CFAP99: variants seen among roughly 807,000 people sequenced by gnomAD.
CFAP99 encodes the protein cilia and flagella associated protein 99.
In CFAP99, 84 loss-of-function variants were observed where a neutral mutation model predicts 82.7. The observed-to-expected ratio is 1.02, with a 90% CI of 0.85 to 1.22. CFAP99 has a LOEUF of 1.22. CFAP99 is among the 50% of genes most tolerant of loss of function. The pLI is 0.00. For missense variants in CFAP99, 1,059 were observed against 983.5 expected (o/e 1.08, Z -1.03); for synonymous variants, 456 against 429.5 (o/e 1.06, Z -0.76).
intron 12 of CFAP99, 111 bp from the exon 13 acceptor site, chr4:2,458,996 G>C: frequency 6.9e-7 from 1 of 1,445,466 alleles, no homozygotes; most frequent in Non-Finnish European, 9.1e-7. Context: ...ACTCCCAGGT[G>C]GCCGCACTGA....
intron 6 of CFAP99, among the ~76,000 whole-genome samples, chr4:2,447,927 GGGT>G (rs1734207523): frequency 1.2e-5 from 1 of 86,754 alleles, no homozygotes; most frequent in Non-Finnish European, 2.4e-5. Context: ...ATGAATGGAT[GGGT>G]GGATGGATGG....
At chr4:2,449,537 G>A in intron 6 of CFAP99, 133 bp from the exon 7 acceptor site, 1 of 753,914 alleles carries the variant, frequency 1.3e-6, no homozygotes, top group Non-Finnish European at 2.2e-6. Flanking sequence ...CTCCAGCCCT[G>A]TTTCTCCTCC....
exon 13 of CFAP99, chr4:2,459,115 G>A (rs1035270628): frequency 1.3e-6 from 2 of 1,516,868 alleles, no homozygotes; most frequent in Non-Finnish European, 1.8e-6. Flanking sequence ...AGTTCAGGAG[G>A]CGATCGAGGA....
Position 2,462,388 on chromosome 4 carries a change from G to A in CFAP99, c.1662-55G>A. The A allele has an allele frequency of 2.9e-6, 4 of 1,378,072 alleles. No homozygotes were observed. The highest frequency in any genetic ancestry group is 3.7e-6 in the Non-Finnish European group (4 of 1,076,522). 85.4% of individuals were successfully genotyped at this position (1,378,072 alleles called of 1,614,324 possible). On this transcript the variant is annotated intron_variant, in intron 14 of 14. Transcript: ENST00000635017. The surrounding 1 kb of genome is among the most constrained non-coding windows in gnomAD (Gnocchi z 4.1). ...CGCTTGGACACGGGTGGCATCCTGG[G>A]TCTGGCCTGGGCCTCCCGCCGGCCT... is the stretch of plus-strand genomic sequence containing the variant.
chr4:2,443,302 C>G (rs971693579), intron 5 of CFAP99, 60 bp downstream of exon 5: 5 of 1,081,976 alleles, frequency 4.6e-6, no homozygotes, highest in Non-Finnish European at 6.8e-6. Flanking sequence ...TTCCAGGTGC[C>G]TCCACGGGCA....
At chr4:2,451,839 T>C (rs1285890400) in intron 10 of CFAP99, among the ~76,000 whole-genome samples, 1 of 150,994 alleles carries the variant, frequency 6.6e-6, no homozygotes, top group Non-Finnish European at 1.5e-5. Context: ...GGTTGATGGA[T>C]GGACAGATGA....
At chr4:2,422,750 G>A (rs1733610050) in intron 1 of CFAP99, among the ~76,000 whole-genome samples, 1 of 152,216 alleles carries the variant, frequency 6.6e-6, no homozygotes, top group African/African-American at 2.4e-5. Context: ...GACCCACAAC[G>A]TGACGTGGAG....
chr4:2,445,583 G>C (rs1289335289), intron 6 of CFAP99, among the ~76,000 whole-genome samples: 1 of 152,142 alleles, frequency 6.6e-6, no homozygotes, highest in Non-Finnish European at 1.5e-5. Flanking sequence ...ATGGGGCTCC[G>C]ACCTGTCGGG....
At chr4:2,442,728 C>G (rs890251065) in intron 4 of CFAP99, among the ~76,000 whole-genome samples, 3 of 152,176 alleles carry the variant, frequency 2.0e-5, no homozygotes, top group African/African-American at 7.2e-5. Flanking sequence ...TTCTCAGGCA[C>G]CCCCTCCCCA....
At chr4:2,439,759 G>GGAAACCAGAAACCAAACCCCA (rs1347969839) in intron 4 of CFAP99, among the ~76,000 whole-genome samples, 1 of 152,158 alleles carries the variant, frequency 6.6e-6, no homozygotes, top group African/African-American at 2.4e-5. Flanking sequence ...CAGCTTCCCT[G>GGAAACCAGAAACCAAACCCCA]GAAACCAGAA....
At chr4:2,455,964 G>C (rs77463222) in intron 11 of CFAP99, among the ~76,000 whole-genome samples, 7,434 of 152,154 alleles carry the variant, frequency 0.049, 617 homozygotes, top group African/African-American at 0.17. Context: ...ACAACCCGAC[G>C]CATGGGCACC....
At chr4:2,460,268 C>T in intron 14 of CFAP99, 26 bp downstream of exon 14, 1 of 1,531,678 alleles carries the variant, frequency 6.5e-7, no homozygotes, top group Non-Finnish European at 8.7e-7. Context: ...GGGGAGGGTG[C>T]CTCTGGGTGG....
intron 1 of CFAP99, among the ~76,000 whole-genome samples, chr4:2,426,010 T>C (rs1294128371): frequency 6.6e-6 from 1 of 152,154 alleles, no homozygotes; most frequent in South Asian, 2.1e-4. Context: ...CAGGGCCTGA[T>C]GAAGAAACCG....
intron 2 of CFAP99, among the ~76,000 whole-genome samples, chr4:2,429,452 C>A (rs541548708): frequency 1.3e-5 from 2 of 152,196 alleles, no homozygotes; most frequent in Non-Finnish European, 2.9e-5. Flanking sequence ...CCTGGCACAC[C>A]GATCCTACCG....
At chr4:2,450,074 C>A in intron 8 of CFAP99, 69 bp downstream of exon 8, 1 of 1,453,688 alleles carries the variant, frequency 6.9e-7, no homozygotes, top group South Asian at 1.2e-5. Flanking sequence ...AAGTTCCTCC[C>A]AACGCCATCG....
chr4:2,462,689 C>G lies in CFAP99; in HGVS notation c.1908C>G (p.Gly636=), dbSNP rs542597444. The change falls in exon 15 of 15, where the codon GGC becomes GGG. Residue 636 remains glycine (G), a synonymous_variant. Coordinates refer to ENST00000635017, the Ensembl canonical transcript of CFAP99. This position sits in a 1 kb window ranked among gnomAD's most constrained non-coding sequence, Gnocchi z 4.1. ...GGCGGGCGCGGCGCGCAGGGACCGG[C>G]GTCCCGGGGCGGGGATGGCGGGGAG... The G allele has an allele frequency of 7.8e-5, 98 of 1,254,610 alleles. No individual in the cohort carries two copies. The African/African-American group carries it at 1.4e-3, about 18-fold the overall frequency. The allele number at this position is 1,254,610 out of a possible 1,614,324, so 77.7% of individuals were successfully genotyped here. A position where few individuals can be genotyped will look rare whatever the true frequency, so the allele number is the denominator to read the frequency against.
chr4:2,437,082 A>G (rs1733932514), intron 3 of CFAP99, 64 bp downstream of exon 3: 1 of 1,522,416 alleles, frequency 6.6e-7, no homozygotes, highest in Non-Finnish European at 8.8e-7. Context: ...TCTCTGCGGA[A>G]AGGCCTGGCA....
intron 12 of CFAP99, 81 bp downstream of exon 12, chr4:2,458,945 C>T: frequency 6.8e-7 from 1 of 1,473,522 alleles, no homozygotes; most frequent in South Asian, 1.3e-5. Context: ...CCTGAGTGAG[C>T]CACTATGGCT....
intron 4 of CFAP99, among the ~76,000 whole-genome samples, chr4:2,442,586 C>T (rs987645704): frequency 3.3e-5 from 5 of 152,158 alleles, no homozygotes; most frequent in Admixed American, 6.5e-5. Flanking sequence ...CAACTCCCTG[C>T]CCCCAAGACC....
Sources: gnomAD v4.1 joint callset for allele counts (sites outside exome capture counted in the v4.1 genomes callset) on GRCh38, gnomAD v4.1.1 for gene constraint, Gnocchi (gnomAD v3.1) non-coding constraint, MANE v1.5 for transcripts, NCBI Gene and HGNC (gene_info 2026-07-23, HGNC 2026-07-21) for gene names.